Variants in PRKG1 observed in about 807,000 individuals in gnomAD.
The protein encoded by PRKG1 is protein kinase cGMP-dependent 1, also known as cGMP-dependent protein kinase 1.
A neutral mutation model predicts 88.1 loss-of-function variants in PRKG1; 35 were observed. The ratio of observed to expected loss-of-function variants is 0.40; its 90% CI spans 0.30 to 0.53. PRKG1 has a LOEUF of 0.53. PRKG1 is among the 20% of genes least tolerant of loss of function. The pLI, the probability that PRKG1 is intolerant of heterozygous loss-of-function variation, is 0.59. For missense variants in PRKG1, 540 were observed against 839.8 expected, an observed-to-expected ratio of 0.64 and a Z score of 4.41; for synonymous variants, 303 against 292.5, an observed-to-expected ratio of 1.04 and a Z score of -0.37.
chr10:51,957,795 T>C (rs1485631967), intron 5 of PRKG1, among the ~76,000 whole-genome samples: 1 of 152,174 alleles, frequency 6.6e-6, no homozygotes, highest in Non-Finnish European at 1.5e-5. Flanking sequence ...TCCAATGAAA[T>C]CACAGTTTGT....
chr10:51,434,172 A>T (rs1838855557), intron 2 of PRKG1, among the ~76,000 whole-genome samples: 1 of 152,072 alleles, frequency 6.6e-6, no homozygotes, highest in Non-Finnish European at 1.5e-5. Flanking sequence ...CAGCCATAGC[A>T]GAGTGTGTTT....
intron 8 of PRKG1, among the ~76,000 whole-genome samples, chr10:52,136,677 T>C (rs1837431867): frequency 6.6e-6 from 1 of 152,082 alleles, no homozygotes; most frequent in African/African-American, 2.4e-5. Context: ...ATAAAATTGA[T>C]TTGAAAATCA....
intron 2 of PRKG1, among the ~76,000 whole-genome samples, chr10:51,409,329 CA>C (rs1237777607): frequency 6.6e-6 from 1 of 152,118 alleles, no homozygotes; most frequent in African/African-American, 2.4e-5. Context: ...AGACCATGGG[CA>C]TTTGAGCAAC....
intron 9 of PRKG1, among the ~76,000 whole-genome samples, chr10:52,206,704 C>T (rs1336399202): frequency 1.3e-5 from 2 of 152,172 alleles, no homozygotes; most frequent in Non-Finnish European, 2.9e-5. Flanking sequence ...CCAAACACTC[C>T]TGGACTGTGT....
intron 3 of PRKG1, among the ~76,000 whole-genome samples, chr10:51,718,621 GAATA>G (rs1841940723): frequency 6.6e-6 from 1 of 152,096 alleles, no homozygotes; most frequent in Admixed American, 6.6e-5. Flanking sequence ...TAAAATGTTT[GAATA>G]AATAAATAAA....
intron 5 of PRKG1, among the ~76,000 whole-genome samples, chr10:52,049,568 G>A (rs2133244856): frequency 6.6e-6 from 1 of 152,116 alleles, no homozygotes; most frequent in East Asian, 1.9e-4. Context: ...TGATGGCAGT[G>A]AGAAAAATAG....
At chr10:51,675,686 T>G (rs754019925) in intron 3 of PRKG1, among the ~76,000 whole-genome samples, 2 of 152,210 alleles carry the variant, frequency 1.3e-5, no homozygotes, top group African/African-American at 2.4e-5. Context: ...TGTTTTAATA[T>G]AAGTATTTAA....
intron 1 of PRKG1, among the ~76,000 whole-genome samples, chr10:51,067,270 G>GTATATATATA (rs10612353): frequency 3.9e-4 from 57 of 146,710 alleles, no homozygotes; most frequent in African/African-American, 1.3e-3. Flanking sequence ...ATGTATGTGT[G>GTATATATATA]TATATATATA....
intron 2 of PRKG1, among the ~76,000 whole-genome samples, chr10:51,196,504 G>A (rs74133531): frequency 0.059 from 8,950 of 152,084 alleles, 519 homozygotes; most frequent in African/African-American, 0.15. Flanking sequence ...AATAAAGAAA[G>A]GAACCTAATA....
intron 5 of PRKG1, among the ~76,000 whole-genome samples, chr10:52,053,053 G>A (rs1846027821): frequency 1.3e-5 from 2 of 152,060 alleles, no homozygotes; most frequent in African/African-American, 2.4e-5. Context: ...AAATAAATCA[G>A]TTGAAGAATA....
At chr10:51,912,461 C>T (rs1366938804) in intron 5 of PRKG1, among the ~76,000 whole-genome samples, 1 of 152,098 alleles carries the variant, frequency 6.6e-6, no homozygotes, top group Non-Finnish European at 1.5e-5. Context: ...TGCAAAATAA[C>T]CCAGGTGAGG....
chr10:52,101,218 C>A (rs1190934276), intron 7 of PRKG1, among the ~76,000 whole-genome samples: 1 of 152,122 alleles, frequency 6.6e-6, no homozygotes, highest in African/African-American at 2.4e-5. Flanking sequence ...ATTATGACAA[C>A]AAAATACAGC....
rs987116205 is a variant in PRKG1, at chr10:51,457,469, T to C, written c.479-10254T>C. Among the ~76,000 whole-genome samples the C allele has an allele frequency of 2.0e-5, 3 of 152,202 alleles. No individual in the cohort carries two copies. In the East Asian group the frequency reaches 5.8e-4, roughly 29 times the overall value. On this transcript the variant is annotated intron_variant, in intron 2 of 17. Coordinates refer to ENST00000373980, the MANE Select transcript of PRKG1 (RefSeq NM_006258.4). ...AAGGAATAAGAGACTACATATTGGA[T>C]GCAGTGTACGCTGCTCAGGTGATGG...
rs558295962 is a variant in PRKG1 at position 51,804,460 on chromosome 10, G to A, written c.593-125G>A. The A allele has an allele frequency of 8.9e-4, 595 of 670,998 alleles. 2 individuals are homozygous for A. Among genetic ancestry groups the A allele is most frequent in the Admixed American group, 1.3e-3 (46 of 36,106 alleles). The allele number at this position is 670,998 out of a possible 1,614,324, so 41.6% of individuals were successfully genotyped here. On this transcript the variant is annotated intron_variant, in intron 3 of 17. Coordinates refer to ENST00000373980, the MANE Select transcript of PRKG1 (RefSeq NM_006258.4). ...TAGCATTGTGATATTAGCTTTAAATGTTTGTAAAAAGTCAATCATTTTCAT... is the reference window on the plus strand; with the variant it reads ...TAGCATTGTGATATTAGCTTTAAATATTTGTAAAAAGTCAATCATTTTCAT...
At chr10:51,012,301 T>C (rs1843002609) in intron 1 of PRKG1, among the ~76,000 whole-genome samples, 1 of 152,204 alleles carries the variant, frequency 6.6e-6, no homozygotes, top group South Asian at 2.1e-4. Context: ...AAGTAGTGAA[T>C]ATTCAAGGAG....
At chr10:51,242,156 C>T (rs961173201) in intron 2 of PRKG1, among the ~76,000 whole-genome samples, 1 of 151,960 alleles carries the variant, frequency 6.6e-6, no homozygotes. Flanking sequence ...CTAATGAGCA[C>T]ATACAGGATA....
At position 52,288,742 on chromosome 10, in the gene PRKG1, C is replaced by A; in HGVS notation, c.1726C>A (p.Pro576Thr). Residue 576 changes from proline (P) to threonine (T), a missense_variant, in exon 15 of 18, where the codon CCA (proline) becomes ACA (threonine). Coordinates refer to ENST00000373980, the MANE Select transcript of PRKG1 (RefSeq NM_006258.4). ...LLTGSPPFSGPDPMKTYNIIL... is the reference protein window; with the variant it reads ...LLTGSPPFSGTDPMKTYNIIL... ...TTCTTGCAGCCCACCTTTCTCAGGC[C>A]CAGATCCTATGAAAACCTATAACAT... 1 of 1,589,236 alleles carries A rather than the reference C, an allele frequency of 6.3e-7. No individual in the cohort carries two copies.
rs182942740 is a variant in PRKG1, at chr10:52,023,867, A to G, written c.763-30617A>G. Among the ~76,000 whole-genome samples the G allele has an allele frequency of 3.3e-5, 5 of 152,192 alleles. No homozygotes were observed. The East Asian group carries it at 9.7e-4, about 29-fold the overall frequency. On this transcript the variant is annotated intron_variant, in intron 5 of 17. Transcript: ENST00000373980. ...TTTTCTCGCATTCTGGAGGTTGCCT[A>G]TTTACTCTAATGATAGTTTCTTTTG... is the stretch of plus-strand genomic sequence containing the variant.
chr10:52,145,151 T>A (rs1289342774), intron 8 of PRKG1, among the ~76,000 whole-genome samples: 1 of 152,212 alleles, frequency 6.6e-6, no homozygotes, highest in Non-Finnish European at 1.5e-5. Context: ...TGGAAATTGA[T>A]GTTGGAGTTC....
Sources: gnomAD v4.1 joint callset for allele counts (sites outside exome capture counted in the v4.1 genomes callset) on GRCh38, gnomAD v4.1.1 for gene constraint, MANE v1.5 for transcripts, NCBI Gene and HGNC (gene_info 2026-07-23, HGNC 2026-07-21) for gene names.